CNTNAP2: variants seen among roughly 807,000 people sequenced by gnomAD.
CNTNAP2 encodes contactin-associated protein-like 2.
A neutral mutation model predicts 155.2 loss-of-function variants in CNTNAP2; 98 were observed. The observed-to-expected ratio is 0.63, with a 90% CI of 0.54 to 0.75. CNTNAP2 has a LOEUF of 0.75. Among genes scored for constraint, CNTNAP2 ranks in the 30% least tolerant of loss-of-function variants. The pLI is 0.00. For synonymous variants in CNTNAP2, 651 were observed against 631.2 expected, an observed-to-expected ratio of 1.03 and a Z score of -0.47; for missense variants, 1,727 against 1,688.1, an observed-to-expected ratio of 1.02 and a Z score of -0.40.
chr7:148,125,673 G>A lies in CNTNAP2; in HGVS notation c.2554+7385G>A, dbSNP rs893826359. ...TATAAAACTGTGTGTGTGTGTGTGT[G>A]TGTGTGTGTGTGTGTGTATATATAT... On this transcript the variant is annotated intron_variant, in intron 16 of 23. Coordinates refer to ENST00000361727, the MANE Select transcript of CNTNAP2 (RefSeq NM_014141.6). Among the ~76,000 whole-genome samples, 37 of 144,816 alleles carry A rather than the reference G, an allele frequency of 2.6e-4. 1 individual carries two copies. Among genetic ancestry groups the A allele is most frequent in the African/African-American group, 1.0e-3 (37 of 36,860 alleles).
rs899886693 is a variant in CNTNAP2, at chr7:147,978,050, G to C, written c.2383+61G>C. ...TATCCCATTTAAATATTGTTTCCAG[G>C]CTCCTCAGAAGATGCCTGCAATCAG... On this transcript the variant is annotated intron_variant, in intron 15 of 23. Transcript: ENST00000361727. The C allele has an allele frequency of 2.5e-6, 4 of 1,603,580 alleles. No individual in the cohort carries two copies. In the Admixed American group the frequency reaches 6.8e-5, roughly 27 times the overall value.
At chr7:146,238,023 G>T (rs1283382586) in intron 1 of CNTNAP2, among the ~76,000 whole-genome samples, 3 of 152,072 alleles carry the variant, frequency 2.0e-5, no homozygotes, top group African/African-American at 4.8e-5. Context: ...GTATATGATT[G>T]TTTTTATTTT....
intron 10 of CNTNAP2, among the ~76,000 whole-genome samples, chr7:147,455,388 T>TTGTTTTTAA (rs1304734140): frequency 6.6e-6 from 1 of 152,120 alleles, no homozygotes; most frequent in Admixed American, 6.6e-5. Context: ...TTTAAAAACT[T>TTGTTTTTAA]CAGTAAGTTG....
chr7:147,499,415 G>A (rs566849054), intron 11 of CNTNAP2, among the ~76,000 whole-genome samples: 12 of 152,160 alleles, frequency 7.9e-5, no homozygotes, highest in African/African-American at 2.9e-4. Context: ...TGTAGTCCCA[G>A]CTACTCGGGA....
intron 2 of CNTNAP2, 117 bp from the exon 3 acceptor site, chr7:146,839,594 T>TA: frequency 1.0e-6 from 1 of 1,001,930 alleles, no homozygotes; most frequent in Non-Finnish European, 1.5e-6. Context: ...TTTCATAATA[T>TA]ATCTGTGAAA....
intron 18 of CNTNAP2, among the ~76,000 whole-genome samples, chr7:148,173,280 A>G (rs1794863434): frequency 6.6e-6 from 1 of 152,214 alleles, no homozygotes; most frequent in Admixed American, 6.5e-5. Context: ...TGAAGAGAGG[A>G]GGAGCTGGTG....
intron 21 of CNTNAP2, among the ~76,000 whole-genome samples, chr7:148,331,756 G>A (rs74650388): frequency 0.19 from 430 of 2,292 alleles, 32 homozygotes; most frequent in South Asian, 0.28. Flanking sequence ...TGGAACGGAC[G>A]GATGGATTGG....
intron 12 of CNTNAP2, among the ~76,000 whole-genome samples, chr7:147,628,868 T>TAAAAAAA (rs60644349): frequency 8.5e-6 from 1 of 117,186 alleles, no homozygotes; most frequent in African/African-American, 2.9e-5. Flanking sequence ...CAACAGCAGT[T>TAAAAAAA]AAAAAAAAAA....
chr7:147,065,883 T>C (rs1487379984), intron 4 of CNTNAP2, among the ~76,000 whole-genome samples: 2 of 152,098 alleles, frequency 1.3e-5, no homozygotes, highest in Non-Finnish European at 2.9e-5. Context: ...AATATTAAAA[T>C]TAGGAGTTTT....
intron 12 of CNTNAP2, among the ~76,000 whole-genome samples, chr7:147,601,644 A>AAAAAAAAAAAAATAT (rs1299075338): frequency 3.4e-5 from 3 of 87,468 alleles, no homozygotes; most frequent in African/African-American, 1.3e-4. Context: ...CTTAAAAAAA[A>AAAAAAAAAAAAATAT]ATATATATAT....
intron 15 of CNTNAP2, among the ~76,000 whole-genome samples, chr7:148,047,479 A>G (rs1202471880): frequency 6.6e-6 from 1 of 152,232 alleles, no homozygotes; most frequent in East Asian, 1.9e-4. Flanking sequence ...TCTTGTGCTT[A>G]GGAACACTGG....
chr7:146,768,764 C>T (rs967429602), intron 1 of CNTNAP2, among the ~76,000 whole-genome samples: 2 of 152,084 alleles, frequency 1.3e-5, no homozygotes, highest in African/African-American at 2.4e-5. Context: ...TAGTTGTTTT[C>T]CTCCATTAGG....
chr7:147,210,434 G>A (rs1409821966), intron 8 of CNTNAP2, among the ~76,000 whole-genome samples: 1 of 151,916 alleles, frequency 6.6e-6, no homozygotes, highest in Non-Finnish European at 1.5e-5. Flanking sequence ...GGGATTGGTT[G>A]TAATGTCACC....
intron 14 of CNTNAP2, among the ~76,000 whole-genome samples, chr7:147,926,436 C>A (rs1217787396): frequency 6.6e-6 from 1 of 152,122 alleles, no homozygotes; most frequent in Non-Finnish European, 1.5e-5. Context: ...CAAAGTTTAC[C>A]TGATGTTTGA....
At chr7:147,194,278 C>T (rs2888441) in intron 8 of CNTNAP2, among the ~76,000 whole-genome samples, 75,804 of 151,904 alleles carry the variant, frequency 0.5, 19,747 homozygotes, top group Middle Eastern at 0.67. Flanking sequence ...TTTTTATGGC[C>T]GCCTAGTATT....
rs543528600 is a variant in CNTNAP2, at chr7:147,238,172, G to C, written c.1349-61969G>C. 9.9e-5 allele frequency among the ~76,000 whole-genome samples: 15 copies of C among 152,182 alleles called. No individual in the cohort carries two copies. In the South Asian group the frequency reaches 1.0e-3, roughly 11 times the overall value. ...TGGGACTACAGGCGCCCGCCACCAC[G>C]CCCGGCTAATTTTTTGTAGTTTTTA... On this transcript the variant is annotated intron_variant, in intron 8 of 23. Coordinates refer to ENST00000361727, the MANE Select transcript of CNTNAP2 (RefSeq NM_014141.6).
Position 147,523,364 on chromosome 7 carries a change from A to T in CNTNAP2, c.1777+37323A>T, listed in dbSNP as rs1394870961. ...AAAACAGAAGCCACAGTCTTGTAAT[A>T]GTCTAATCATGGAAATGACATTTCA... On this transcript the variant is annotated intron_variant, in intron 11 of 23. Coordinates refer to ENST00000361727, the MANE Select transcript of CNTNAP2 (RefSeq NM_014141.6). 2.0e-5 allele frequency among the ~76,000 whole-genome samples: 3 copies of T among 152,178 alleles called. No individual in the cohort carries two copies. The East Asian group carries it at 5.8e-4, about 29-fold the overall frequency.
intron 21 of CNTNAP2, among the ~76,000 whole-genome samples, chr7:148,284,319 T>G (rs1797044052): frequency 6.6e-6 from 1 of 152,090 alleles, no homozygotes; most frequent in Admixed American, 6.5e-5. Flanking sequence ...TCATGAGATC[T>G]GATGGTTTTA....
intron 13 of CNTNAP2, among the ~76,000 whole-genome samples, chr7:147,714,109 A>T (rs1796447237): frequency 6.6e-6 from 1 of 152,124 alleles, no homozygotes; most frequent in African/African-American, 2.4e-5. Flanking sequence ...AATACACATA[A>T]GAACCCTATG....
Sources: allele counts gnomAD v4.1 joint callset (sites outside exome capture counted in the v4.1 genomes callset), GRCh38; gene constraint gnomAD v4.1.1; transcripts MANE v1.5; gene names NCBI Gene and HGNC (gene_info 2026-07-23, HGNC 2026-07-21).